CTSH: variants seen among roughly 807,000 people sequenced by gnomAD.
CTSH encodes pro-cathepsin H.
CTSH carries 52 observed loss-of-function variants against 56.3 expected under a neutral mutation model. That is an observed-to-expected ratio of 0.92 (90% CI 0.74 to 1.16). The LOEUF (loss-of-function observed/expected upper bound fraction) is 1.16, where lower values mean the gene tolerates loss of function less well. Among genes scored for constraint, CTSH ranks in the 50% most tolerant of loss-of-function variants. The probability of loss-of-function intolerance (pLI) is 0.00; values close to 1 mark genes in which losing one functional copy is unlikely to be tolerated. For missense variants in CTSH, 406 were observed against 424.5 expected, an observed-to-expected ratio of 0.96 and a Z score of 0.38; for synonymous variants, 174 against 155.7, an observed-to-expected ratio of 1.12 and a Z score of -0.88.
At chr15:78,922,864 G>T in intron 11 of CTSH, 129 bp downstream of exon 11, 1 of 1,125,200 alleles carries the variant, frequency 8.9e-7, no homozygotes, top group Non-Finnish European at 1.2e-6. Flanking sequence ...TTTCCCCCTG[G>T]CCTGGCCTAG....
At chr15:78,944,698 C>G in intron 1 of CTSH, 193 bp downstream of exon 1, 1 of 1,118,192 alleles carries the variant, frequency 8.9e-7, no homozygotes, top group Non-Finnish European at 1.2e-6. Context: ...GTCCTACAAG[C>G]CGCCCACCCT....
Position 78,922,183 on chromosome 15 carries a change from T to C in CTSH, c.955A>G (p.Lys319Glu). 1 of 1,583,164 alleles carries C rather than the reference T, an allele frequency of 6.3e-7. No individual in the cohort carries two copies. Among genetic ancestry groups the C allele is most frequent in the Non-Finnish European group, 8.6e-7 (1 of 1,165,322 alleles). Residue 319 changes from lysine (K) to glutamate (E), a missense_variant, in exon 12 of 12, where the codon AAG (lysine) becomes GAG (glutamate). Coordinates refer to ENST00000220166, the MANE Select transcript of CTSH (RefSeq NM_004390.5). ...MNGYFLIERG[K>E]NMCGLAACAS... ...CAGGCAGCCAGGCCACACATGTTCT[T>C]TCCGCGCTCGATGAGGAAGTACCTG...
chr15:78,929,527 GGC>G, intron 7 of CTSH, 34 bp from the exon 8 acceptor site: 1 of 1,525,658 alleles, frequency 6.6e-7, no homozygotes, highest in Non-Finnish European at 9.0e-7. Flanking sequence ...GCCCACCTGG[GGC>G]TGTCCTGATA....
At chr15:78,941,405 C>T (rs539782379) in intron 1 of CTSH, among the ~76,000 whole-genome samples, 3 of 86,806 alleles carry the variant, frequency 3.5e-5, no homozygotes, top group Non-Finnish European at 4.0e-5. Flanking sequence ...GCCTGGGCGA[C>T]AAAGCGAGAC....
intron 11 of CTSH, 127 bp from the exon 12 acceptor site, chr15:78,922,332 AGCATTCG>A: frequency 1.4e-6 from 1 of 728,228 alleles, no homozygotes; most frequent in Non-Finnish European, 2.4e-6. Context: ...ATAAAACAGT[AGCATTCG>A]GCTTATTTGA....
At position 78,945,026 on chromosome 15, in the gene CTSH, T is replaced by G; in HGVS notation, c.-45A>C. Reference sequence around the variant, plus strand: ...CTCTTGCGCTCAGGGTCCGCGGAGGTGGCGGCCCAGAGCGTCAACTGGGAG... The same window carrying G: ...CTCTTGCGCTCAGGGTCCGCGGAGGGGGCGGCCCAGAGCGTCAACTGGGAG... On this transcript the variant is annotated 5_prime_UTR_variant, in exon 1 of 12. Coordinates refer to ENST00000220166, the MANE Select transcript of CTSH (RefSeq NM_004390.5). The G allele has an allele frequency of 4.9e-6, 7 of 1,441,896 alleles. No homozygotes were observed. The highest frequency in any genetic ancestry group is 5.5e-6 in the Non-Finnish European group (6 of 1,093,054). 89.3% of individuals were successfully genotyped at this position (1,441,896 alleles called of 1,614,324 possible).
intron 2 of CTSH, 196 bp from the exon 3 acceptor site, chr15:78,937,619 G>A (rs2055204212): frequency 9.4e-7 from 1 of 1,063,706 alleles, no homozygotes; most frequent in Admixed American, 3.2e-5. Context: ...GGGACCTGTG[G>A]CCAGAATGAA....
chr15:78,936,275 G>A (rs980077267), intron 3 of CTSH, among the ~76,000 whole-genome samples: 4 of 149,452 alleles, frequency 2.7e-5, no homozygotes, highest in African/African-American at 7.4e-5. Context: ...TCTGCCTCCC[G>A]GATTCAAGCG....
At chr15:78,927,455 G>GA (rs1681349724) in intron 9 of CTSH, 1 of 542,092 alleles carries the variant, frequency 1.8e-6, no homozygotes, top group African/African-American at 1.9e-5. Flanking sequence ...TTACAAGCAA[G>GA]AAAACAGAAC....
chr15:78,921,992 C>G lies in CTSH; in HGVS notation c.*138G>C. ...TCCTCCTTGTCTGTAGGTTTCCAGG[C>G]TGGGCACAGAGGTGAGGGCAGAATG... On this transcript the variant is annotated 3_prime_UTR_variant, in exon 12 of 12. Coordinates refer to ENST00000220166, the MANE Select transcript of CTSH (RefSeq NM_004390.5). 1 of 728,226 alleles carries G rather than the reference C, an allele frequency of 1.4e-6. No homozygotes were observed. The highest frequency in any genetic ancestry group is 3.9e-4 in the Middle Eastern group (1 of 2,570). 45.1% of individuals were successfully genotyped at this position (728,226 alleles called of 1,614,324 possible).
intron 3 of CTSH, among the ~76,000 whole-genome samples, chr15:78,936,222 A>C: frequency 7.8e-6 from 1 of 127,858 alleles, no homozygotes; most frequent in East Asian, 2.3e-4. Context: ...TCGCTCTGTC[A>C]CCCAGGCTGG....
chr15:78,932,713 G>A (rs2055091050), intron 5 of CTSH, among the ~76,000 whole-genome samples: 1 of 152,164 alleles, frequency 6.6e-6, no homozygotes, highest in South Asian at 2.1e-4. Context: ...GGCTTGCAAA[G>A]GAGCAGGAGC....
Position 78,936,779 on chromosome 15 carries a change from G to A in CTSH, c.229+539C>T, listed in dbSNP as rs561455117. ...CAAATAGCTGGGATTACAGACATGCGCCACCAAGCCCGGCTAATTTTGTAT... is the reference window on the plus strand; with the variant it reads ...CAAATAGCTGGGATTACAGACATGCACCACCAAGCCCGGCTAATTTTGTAT... On this transcript the variant is annotated intron_variant, in intron 3 of 11. Transcript: ENST00000220166. Among the ~76,000 whole-genome samples, 4 of 152,044 alleles carry A rather than the reference G, an allele frequency of 2.6e-5. No homozygotes were observed. In the South Asian group the frequency reaches 8.3e-4, roughly 32 times the overall value.
At chr15:78,924,099 G>C (rs76098042) in intron 10 of CTSH, among the ~76,000 whole-genome samples, 2 of 90,114 alleles carry the variant, frequency 2.2e-5, no homozygotes, top group African/African-American at 4.3e-5. Flanking sequence ...AACCCAGCGG[G>C]GGGGGGGGGG....
At chr15:78,944,022 C>A (rs2055344533) in intron 1 of CTSH, among the ~76,000 whole-genome samples, 1 of 152,228 alleles carries the variant, frequency 6.6e-6, no homozygotes, top group Non-Finnish European at 1.5e-5. Flanking sequence ...ATCCCCTGAG[C>A]CTCTAGCTGG....
At chr15:78,922,713 T>C (rs2054798657) in intron 11 of CTSH, among the ~76,000 whole-genome samples, 1 of 152,214 alleles carries the variant, frequency 6.6e-6, no homozygotes. Context: ...CCAGCAGAGT[T>C]CCAAGTTCTG....
intron 1 of CTSH, among the ~76,000 whole-genome samples, chr15:78,943,510 G>A (rs958114148): frequency 7.9e-5 from 12 of 152,174 alleles, no homozygotes; most frequent in African/African-American, 2.9e-4. Context: ...GATTACAGGT[G>A]TGAGCCACCG....
chr15:78,932,312 C>T, intron 6 of CTSH, 60 bp downstream of exon 6: 1 of 1,485,480 alleles, frequency 6.7e-7, no homozygotes, highest in South Asian at 1.1e-5. Context: ...AAGGCCCAGG[C>T]CTGGCCCACA....
chr15:78,927,796 A>G lies in CTSH; in HGVS notation c.631-15T>C, dbSNP rs776604156. ...CAATAACCATCCTGTTGAGGATGCA[A>G]AGGGCATGAAATACAGGTTATGGAC... On this transcript the variant is annotated splice_polypyrimidine_tract_variant and intron_variant, in intron 8 of 11. Transcript: ENST00000220166. 4.3e-6 allele frequency: 7 copies of G among 1,612,166 alleles called. No individual in the cohort carries two copies. The highest frequency in any genetic ancestry group is 1.7e-5 in the Admixed American group (1 of 59,994).
Sources: gnomAD v4.1 joint callset for allele counts (sites outside exome capture counted in the v4.1 genomes callset) on GRCh38, gnomAD v4.1.1 for gene constraint, MANE v1.5 for transcripts, NCBI Gene and HGNC (gene_info 2026-07-23, HGNC 2026-07-21) for gene names.